The following TOMM40 variants were observed in gnomAD, a reference collection of about 807,000 sequenced individuals.
TOMM40 encodes the protein mitochondrial import receptor subunit TOM40 homolog.
TOMM40 carries 9 observed loss-of-function variants against 38.4 expected under a neutral mutation model. That is an observed-to-expected ratio of 0.23 (90% CI 0.14 to 0.41). The LOEUF is 0.41. Among genes scored for constraint, TOMM40 ranks in the 10% least tolerant of loss-of-function variants. TOMM40 has a pLI of 1.00. For synonymous variants in TOMM40, 184 were observed against 210.0 expected, an observed-to-expected ratio of 0.88 and a Z score of 1.07; for missense variants, 299 against 486.5, an observed-to-expected ratio of 0.61 and a Z score of 3.63.
chr19:44,892,646 C>T (rs969505680), intron 2 of TOMM40, among the ~76,000 whole-genome samples, 186 bp downstream of exon 2: 1 of 152,158 alleles, frequency 6.6e-6, no homozygotes, highest in African/African-American at 2.4e-5. Flanking sequence ...TACTGTCTCC[C>T]CATAGCAGCT....
At position 44,899,935 on chromosome 19, in the gene TOMM40, G is replaced by A. The variant is rs143831670; in HGVS notation, c.644-795G>A. 4.4e-3 allele frequency among the ~76,000 whole-genome samples: 664 copies of A among 150,526 alleles called. 4 individuals carry two copies. The highest frequency in any genetic ancestry group is 0.015 in the African/African-American group (622 of 41,134). On this transcript the variant is annotated intron_variant, in intron 5 of 8. Transcript: ENST00000426677. ...TGGGATTACAGGCACGTGCCACCACGCCAGGCTTGTTTTCTTTCCCTGTCC... is the reference window on the plus strand; with the variant it reads ...TGGGATTACAGGCACGTGCCACCACACCAGGCTTGTTTTCTTTCCCTGTCC...
intron 1 of TOMM40, among the ~76,000 whole-genome samples, chr19:44,892,002 T>G (rs1969475979): frequency 6.6e-6 from 1 of 151,714 alleles, no homozygotes. Flanking sequence ...GTCAGCAAGG[T>G]GTCAGCGAGG....
rs371846610 is a variant in TOMM40 at position 44,901,205 on chromosome 19, C to A, written c.844-3C>A. ...TTCTCATGTGTTGCTCCGGCCCCTC[C>A]AGCTGCAGGTGGGTGTGGAGTTTGA... On this transcript the variant is annotated splice_region_variant and splice_polypyrimidine_tract_variant and intron_variant, in intron 7 of 8. Coordinates refer to ENST00000426677, the MANE Select transcript of TOMM40 (RefSeq NM_001128917.2). The A allele has an allele frequency of 1.9e-6, 3 of 1,614,012 alleles. No individual in the cohort carries two copies. The highest frequency in any genetic ancestry group is 2.5e-6 in the Non-Finnish European group (3 of 1,179,996).
rs157581 is a variant in TOMM40, at chr19:44,892,457, T to C, written c.339T>C (p.Phe113=). The C allele has an allele frequency of 0.23, 375,029 of 1,611,534 alleles. 46,154 individuals are homozygous for C. The highest frequency in any genetic ancestry group is 0.46 in the African/African-American group (34,714 of 74,754). The stretch of plus-strand genomic sequence containing the variant: ...TCAACAAAGGGTTGAGTAACCATTT[T>C]CAGGTGAGCCTTCCTGGTGTCCTTA... ...LTVNKGLSNH[F]QVNHTVALST... is the part of the protein sequence containing the mutation. The change falls in exon 2 of 9, where the codon TTT becomes TTC. Residue 113 remains phenylalanine (F), a synonymous_variant. Coordinates refer to ENST00000426677, the MANE Select transcript of TOMM40 (RefSeq NM_001128917.2).
chr19:44,898,989 A>G (rs1033612932), intron 5 of TOMM40, among the ~76,000 whole-genome samples: 7 of 151,646 alleles, frequency 4.6e-5, no homozygotes, highest in South Asian at 4.2e-4. Flanking sequence ...AAAATTAGCC[A>G]GGCATGGTGG....
intron 1 of TOMM40, 89 bp from the exon 2 acceptor site, chr19:44,892,304 C>A: frequency 7.9e-7 from 1 of 1,272,606 alleles, no homozygotes; most frequent in Non-Finnish European, 1.1e-6. Flanking sequence ...TGCTGTGGGT[C>A]TCTGGAGAGA....
chr19:44,896,769 C>G (rs1280790628), intron 5 of TOMM40, among the ~76,000 whole-genome samples: 1 of 152,064 alleles, frequency 6.6e-6, no homozygotes, highest in African/African-American at 2.4e-5. Context: ...TCATGGGGGT[C>G]CCAGGTCAGG....
rs546642493 is a variant in TOMM40 at position 44,893,685 on chromosome 19, C to T, written c.436-95C>T. ...CTTCGTGGAGGAGGGGACCCCCATC[C>T]GAGGCTTTCTGACCCTAGGCTTCTC... On this transcript the variant is annotated intron_variant, in intron 3 of 8. Coordinates refer to ENST00000426677, the MANE Select transcript of TOMM40 (RefSeq NM_001128917.2). 2,637 of 1,037,738 alleles carry T rather than the reference C, an allele frequency of 2.5e-3. 10 individuals are homozygous for T. The highest frequency in any genetic ancestry group is 3.4e-3 in the Non-Finnish European group (2,416 of 719,224). The allele number at this position is 1,037,738 out of a possible 1,614,324, so 64.3% of individuals were successfully genotyped here.
intron 5 of TOMM40, among the ~76,000 whole-genome samples, chr19:44,899,082 G>T (rs1188761490): frequency 6.8e-6 from 1 of 146,516 alleles, no homozygotes; most frequent in Admixed American, 6.7e-5. Flanking sequence ...GCAGTGAGCC[G>T]AGATAGTGCC....
In TOMM40 at chr19:44,896,269, C is replaced by T. The variant is rs80069269; in HGVS notation, c.643+2203C>T. On this transcript the variant is annotated intron_variant, in intron 5 of 8. Transcript: ENST00000426677. ...CGTGTGCCGGTCAGGGCTGAGCTCT[C>T]GAGTCTCTTGCCACCAACAGCTCCG... Among the ~76,000 whole-genome samples the T allele has an allele frequency of 4.5e-3, 686 of 152,278 alleles. 1 individual carries two copies. The highest frequency in any genetic ancestry group is 0.015 in the African/African-American group (640 of 41,542).
intron 5 of TOMM40, among the ~76,000 whole-genome samples, chr19:44,898,215 AGCTGGCTCCAG>A (rs976203030): frequency 1.3e-5 from 2 of 152,106 alleles, no homozygotes; most frequent in Non-Finnish European, 2.9e-5. Context: ...AGCTCCAGAG[AGCTGGCTCCAG>A]GCTGGCTCCA....
intron 8 of TOMM40, chr19:44,902,764 C>T (rs893292251): frequency 1.1e-5 from 4 of 374,632 alleles, no homozygotes; most frequent in Middle Eastern, 7.5e-4. Context: ...CAGATTCATC[C>T]GCAGAGTGGG....
Position 44,903,130 on chromosome 19 carries a change from G to A in TOMM40, c.1047G>A (p.Lys349=). Reference sequence around the variant, plus strand: ...TTGGGGCCTTCCTGAATCACCGCAAGAACAAGTTTCAGTGTGGCTTTGGCC... The same window carrying A: ...TTGGGGCCTTCCTGAATCACCGCAAAAACAAGTTTCAGTGTGGCTTTGGCC... ...LALGAFLNHR[K]NKFQCGFGLT... The change falls in exon 9 of 9, where the codon AAG becomes AAA. Residue 349 remains lysine (K), a synonymous_variant. Transcript: ENST00000426677. 6.2e-7 allele frequency: 1 copy of A among 1,612,170 alleles called. No individual in the cohort carries two copies. The highest frequency in any genetic ancestry group is 1.3e-5 in the African/African-American group (1 of 74,986).
At chr19:44,898,504 G>GTTCTTTTTTTT (rs1969610372) in intron 5 of TOMM40, among the ~76,000 whole-genome samples, 1 of 127,160 alleles carries the variant, frequency 7.9e-6, no homozygotes, top group African/African-American at 2.9e-5. Context: ...CTGCAGATGT[G>GTTCTTTTTTTT]TTGTTTCTTT....
At chr19:44,896,183 G>A (rs1969562011) in intron 5 of TOMM40, among the ~76,000 whole-genome samples, 1 of 152,132 alleles carries the variant, frequency 6.6e-6, no homozygotes, top group Admixed American at 6.6e-5. Flanking sequence ...GTGACGCTTT[G>A]GTCTCTAGTC....
In TOMM40 at chr19:44,894,757, T is replaced by C. The variant is rs114083252; in HGVS notation, c.643+691T>C. ...AAACAGCTTTTCAGCCTGCAAGTAG[T>C]GCAGTCGGGACTCGTGAAAGGAACT... On this transcript the variant is annotated intron_variant, in intron 5 of 8. Coordinates refer to ENST00000426677, the MANE Select transcript of TOMM40 (RefSeq NM_001128917.2). Among the ~76,000 whole-genome samples, 984 of 152,274 alleles carry C rather than the reference T, an allele frequency of 6.5e-3. 16 individuals carry two copies. The highest frequency in any genetic ancestry group is 0.021 in the African/African-American group (875 of 41,550).
intron 8 of TOMM40, 136 bp from the exon 9 acceptor site, chr19:44,902,894 G>C: frequency 9.1e-7 from 1 of 1,095,894 alleles, no homozygotes; most frequent in Non-Finnish European, 1.3e-6. Flanking sequence ...GGTGTGATGG[G>C]GTTTCAGGGT....
chr19:44,902,838 G>T, intron 8 of TOMM40, 192 bp from the exon 9 acceptor site: 1 of 646,920 alleles, frequency 1.5e-6, no homozygotes, highest in Non-Finnish European at 2.5e-6. Context: ...GTCACTGAGC[G>T]GAGAGCAGAG....
At chr19:44,897,174 G>A (rs1214587586) in intron 5 of TOMM40, among the ~76,000 whole-genome samples, 1 of 152,182 alleles carries the variant, frequency 6.6e-6, no homozygotes, top group Non-Finnish European at 1.5e-5. Flanking sequence ...CTGTCTGTGA[G>A]GTCACTTGAA....
Sources: allele counts gnomAD v4.1 joint callset (sites outside exome capture counted in the v4.1 genomes callset), GRCh38; gene constraint gnomAD v4.1.1; transcripts MANE v1.5; gene names NCBI Gene and HGNC (gene_info 2026-07-23, HGNC 2026-07-21).